The following SGCZ variants were observed in gnomAD, a reference collection of about 807,000 sequenced individuals.
The protein encoded by SGCZ is sarcoglycan zeta.
Under a neutral mutation model 41.3 loss-of-function variants are expected in SGCZ, and 40 were observed. The observed-to-expected ratio is 0.97, with a 90% CI of 0.75 to 1.26. The LOEUF (loss-of-function observed/expected upper bound fraction) is 1.26, where lower values mean the gene tolerates loss of function less well. Among genes scored for constraint, SGCZ ranks in the 50% most tolerant of loss-of-function variants. The pLI, the probability that SGCZ is intolerant of heterozygous loss-of-function variation, is 0.00. For missense variants in SGCZ, 552 were observed against 369.8 expected (o/e 1.49, Z -4.04); for synonymous variants, 206 against 137.5 (o/e 1.50, Z -3.49).
At chr8:14,285,037 G>A (rs957125431) in intron 3 of SGCZ, among the ~76,000 whole-genome samples, 8 of 152,134 alleles carry the variant, frequency 5.3e-5, no homozygotes, top group Non-Finnish European at 7.4e-5. Context: ...TGGACAGATA[G>A]AGTGAGAGAC....
chr8:15,229,885 A>G (rs910082925), intron 1 of SGCZ, among the ~76,000 whole-genome samples: 3 of 152,220 alleles, frequency 2.0e-5, no homozygotes, highest in African/African-American at 7.2e-5. Flanking sequence ...TTTTCTAGCC[A>G]TTCTAAAGAA....
intron 1 of SGCZ, among the ~76,000 whole-genome samples, chr8:15,087,625 G>A (rs961103594): frequency 2.0e-5 from 3 of 151,882 alleles, no homozygotes; most frequent in Admixed American, 6.6e-5. Context: ...AGAGCTTGTC[G>A]AAAAAAATGA....
intron 1 of SGCZ, chr8:14,690,326 C>T (rs1808759106): frequency 6.6e-6 from 1 of 152,008 alleles, no homozygotes; most frequent in South Asian, 2.1e-4. Context: ...TGATGGCTTC[C>T]CACTCCTTGC....
intron 4 of SGCZ, among the ~76,000 whole-genome samples, chr8:14,189,525 A>T (rs930783729): frequency 3.9e-5 from 6 of 151,990 alleles, no homozygotes; most frequent in African/African-American, 1.5e-4. Flanking sequence ...ACACTTTCTG[A>T]TCCTTCACCC....
chr8:14,584,173 C>G, intron 1 of SGCZ, among the ~76,000 whole-genome samples: 1 of 152,002 alleles, frequency 6.6e-6, no homozygotes, highest in East Asian at 1.9e-4. Context: ...GGAATAACTA[C>G]TAGGTGTTAG....
chr8:14,815,264 G>A (rs1285408401), intron 1 of SGCZ, among the ~76,000 whole-genome samples: 2 of 146,988 alleles, frequency 1.4e-5, no homozygotes, highest in East Asian at 2.0e-4. Context: ...TTGAAATTTA[G>A]AAGCAAATAA....
chr8:14,755,507 T>C (rs192996672), intron 1 of SGCZ, among the ~76,000 whole-genome samples: 31 of 152,308 alleles, frequency 2.0e-4, no homozygotes, highest in African/African-American at 7.5e-4. Context: ...TTTATAATTG[T>C]CTATGATAGT....
chr8:14,666,689 A>T (rs1807921747), intron 1 of SGCZ, among the ~76,000 whole-genome samples: 1 of 151,734 alleles, frequency 6.6e-6, no homozygotes, highest in East Asian at 1.9e-4. Context: ...ATTTGCAAAA[A>T]AAAAAAAAAA....
chr8:14,328,838 C>T (rs1357515883), intron 2 of SGCZ, among the ~76,000 whole-genome samples: 1 of 152,190 alleles, frequency 6.6e-6, no homozygotes, highest in African/African-American at 2.4e-5. Context: ...GTGAATGGAA[C>T]TAAGGCCCTT....
chr8:14,774,341 A>T (rs1388255441), intron 1 of SGCZ, among the ~76,000 whole-genome samples: 2 of 152,176 alleles, frequency 1.3e-5, no homozygotes, highest in East Asian at 1.9e-4. Context: ...AGTGTCTTTT[A>T]TACATACTCA....
In SGCZ at chr8:14,551,580, AATATATATAATATATATTATATATAT is replaced by A. The variant is rs1803860032; in HGVS notation, c.234+3126_234+3151del. 1.2e-4 allele frequency among the ~76,000 whole-genome samples: 3 copies of A among 24,558 alleles called. 1 individual carries two copies. The highest frequency in any genetic ancestry group is 1.9e-4 in the Non-Finnish European group (3 of 15,698). The allele number at this position is 24,558 out of a possible 152,430, so 16.1% of individuals were successfully genotyped here. ...TATATTATATATATAATATATATAT[AATATATATAATATATATTATATATAT>A]TATATATATACATAAAATATATATA... On this transcript the variant is annotated intron_variant, in intron 2 of 7. Coordinates refer to ENST00000382080, the MANE Select transcript of SGCZ (RefSeq NM_139167.4).
intron 1 of SGCZ, among the ~76,000 whole-genome samples, chr8:14,722,377 G>A (rs1053668212): frequency 1.3e-5 from 2 of 151,758 alleles, no homozygotes; most frequent in Non-Finnish European, 2.9e-5. Flanking sequence ...AATAATAATT[G>A]ATTTTATATC....
At chr8:14,856,468 C>A (rs4560789) in intron 1 of SGCZ, among the ~76,000 whole-genome samples, 1,679 of 152,226 alleles carry the variant, frequency 0.011, 23 homozygotes, top group African/African-American at 0.039. Context: ...ATGCATGTGG[C>A]CAAAGTTTTC....
At chr8:14,991,920 C>T (rs1266384893) in intron 1 of SGCZ, among the ~76,000 whole-genome samples, 2 of 147,228 alleles carry the variant, frequency 1.4e-5, no homozygotes, top group Non-Finnish European at 3.0e-5. Context: ...CTCCCAAAAC[C>T]AGTGTTACCC....
At chr8:14,995,922 G>A (rs535994320) in intron 1 of SGCZ, among the ~76,000 whole-genome samples, 1 of 150,620 alleles carries the variant, frequency 6.6e-6, no homozygotes, top group South Asian at 2.1e-4. Context: ...CTTTTTTTTT[G>A]AGATGGAATC....
intron 1 of SGCZ, among the ~76,000 whole-genome samples, chr8:14,845,014 G>A (rs1201136403): frequency 6.6e-6 from 1 of 152,140 alleles, no homozygotes; most frequent in Non-Finnish European, 1.5e-5. Context: ...GAATTTACAA[G>A]ATAGACTTCA....
intron 1 of SGCZ, among the ~76,000 whole-genome samples, chr8:14,556,139 C>T (rs759439885): frequency 6.6e-6 from 1 of 151,684 alleles, no homozygotes; most frequent in African/African-American, 2.4e-5. Flanking sequence ...CTGAATATGT[C>T]TTAAGTGTAC....
chr8:14,516,492 C>G (rs1249548980), intron 2 of SGCZ, among the ~76,000 whole-genome samples: 3 of 151,952 alleles, frequency 2.0e-5, no homozygotes, highest in African/African-American at 4.8e-5. Context: ...TAGGACAAAT[C>G]AAATGGATTT....
intron 1 of SGCZ, among the ~76,000 whole-genome samples, chr8:15,080,453 G>A (rs368143525): frequency 1.3e-5 from 2 of 152,036 alleles, no homozygotes; most frequent in Admixed American, 6.6e-5. Flanking sequence ...GGACTGAATT[G>A]TGCACCCCCA....
Sources: allele counts gnomAD v4.1 joint callset (sites outside exome capture counted in the v4.1 genomes callset), GRCh38; gene constraint gnomAD v4.1.1; transcripts MANE v1.5; gene names NCBI Gene and HGNC (gene_info 2026-07-23, HGNC 2026-07-21).